The following ELAVL2 variants were observed in gnomAD, a reference collection of about 807,000 sequenced individuals.
ELAVL2 encodes the protein ELAV like RNA binding protein 2, also known as ELAV-like protein 2.
Under a neutral mutation model 34.6 loss-of-function variants are expected in ELAVL2, and 4 were observed. The ratio of observed to expected loss-of-function variants is 0.12; its 90% CI spans 0.06 to 0.26. The LOEUF is 0.26. ELAVL2 is among the 10% of genes least tolerant of loss of function. The pLI, the probability that ELAVL2 is intolerant of heterozygous loss-of-function variation, is 1.00. For synonymous variants in ELAVL2, 193 were observed against 154.8 expected, an observed-to-expected ratio of 1.25 and a Z score of -1.83; for missense variants, 432 against 442.8, an observed-to-expected ratio of 0.98 and a Z score of 0.22.
In ELAVL2 at chr9:23,765,519, TG is replaced by T. The variant is rs145909154; in HGVS notation, c.-15-3271del. On this transcript the variant is annotated intron_variant, in intron 1 of 6. Transcript: ENST00000397312. ...TCATGCAATTCCTAAGTGATTGGTT[TG>T]CATAAAAGCACTCTTTCCCCAAAAT... 2.6e-3 allele frequency among the ~76,000 whole-genome samples: 392 copies of T among 151,954 alleles called. 1 individual carries two copies. The highest frequency in any genetic ancestry group is 9.2e-3 in the African/African-American group (382 of 41,464).
intron 1 of ELAVL2, among the ~76,000 whole-genome samples, chr9:23,784,872 C>T (rs916894942): frequency 1.3e-5 from 2 of 152,180 alleles, no homozygotes; most frequent in Non-Finnish European, 2.9e-5. Flanking sequence ...AATAAGTAGA[C>T]TTGGGCCTAA....
rs12349913 is a variant in ELAVL2, at chr9:23,816,272, A to C, written c.-16+9534T>G. Among the ~76,000 whole-genome samples, 1,193 of 148,416 alleles carry C rather than the reference A, an allele frequency of 8.0e-3. 16 individuals are homozygous for C. The highest frequency in any genetic ancestry group is 0.027 in the African/African-American group (1,079 of 39,932). On this transcript the variant is annotated intron_variant, in intron 1 of 6. Coordinates refer to ENST00000397312, the MANE Select transcript of ELAVL2 (RefSeq NM_004432.5). ...AACAACTATCATTCCCTAGTCCCAT[A>C]AAGAGATGAAATTAGTCAAGAAAGT...
At chr9:23,828,267 G>A (rs138554548), upstream of ELAVL2, among the ~76,000 whole-genome samples, 7 of 152,244 alleles carry the variant, frequency 4.6e-5, no homozygotes, top group African/African-American at 1.7e-4. Context: ...CCTAGGCAGT[G>A]AATTGTCTTT....
intron 4 of ELAVL2, among the ~76,000 whole-genome samples, chr9:23,702,574 T>TG (rs1240942172): frequency 1.3e-5 from 2 of 151,132 alleles, no homozygotes; most frequent in East Asian, 3.9e-4. Context: ...CCATCATACT[T>TG]GGAGGAGCTT....
At chr9:23,831,966 T>C in the ELAVL2 span, among the ~76,000 whole-genome samples, 1 of 152,288 alleles carries the variant, frequency 6.6e-6, no homozygotes, top group African/African-American at 2.4e-5. Context: ...ATTTGAAAAG[T>C]ACAGTATGGA....
chr9:23,724,668 T>C (rs1413147383), intron 3 of ELAVL2, among the ~76,000 whole-genome samples: 1 of 152,296 alleles, frequency 6.6e-6, no homozygotes, highest in East Asian at 1.9e-4. Flanking sequence ...GATAGAAGCA[T>C]TTTATTTAAA....
intron 1 of ELAVL2, among the ~76,000 whole-genome samples, chr9:23,812,115 G>A (rs1416024103): frequency 6.6e-6 from 1 of 152,058 alleles, no homozygotes; most frequent in Non-Finnish European, 1.5e-5. Context: ...AGAGTGGGGA[G>A]TGTGTGATTT....
intron 3 of ELAVL2, among the ~76,000 whole-genome samples, chr9:23,707,377 T>C (rs78809011): frequency 6.6e-6 from 1 of 152,308 alleles, no homozygotes; most frequent in Non-Finnish European, 1.5e-5. Flanking sequence ...TATCTAGGAT[T>C]CTATGGCTTT....
At chr9:23,752,132 G>A (rs947983450) in intron 2 of ELAVL2, among the ~76,000 whole-genome samples, 6 of 152,140 alleles carry the variant, frequency 3.9e-5, no homozygotes, top group Non-Finnish European at 5.9e-5. Flanking sequence ...CAACTGTCAC[G>A]TAACTGAATG....
chr9:23,698,709 G>T (rs2036126167), intron 5 of ELAVL2, among the ~76,000 whole-genome samples: 2 of 152,082 alleles, frequency 1.3e-5, no homozygotes, highest in African/African-American at 4.8e-5. Context: ...AACAAAACAA[G>T]CAAGCCCTTA....
chr9:23,782,116 C>A (rs1279699033), intron 1 of ELAVL2, among the ~76,000 whole-genome samples: 1 of 152,118 alleles, frequency 6.6e-6, no homozygotes, highest in African/African-American at 2.4e-5. Context: ...CCACCATGCC[C>A]GACCAAGAAG....
chr9:23,730,333 A>G (rs1398767534), intron 3 of ELAVL2, among the ~76,000 whole-genome samples: 1 of 152,150 alleles, frequency 6.6e-6, no homozygotes, highest in East Asian at 1.9e-4. Flanking sequence ...AAAAAGAAAA[A>G]CAACAGAAAA....
chr9:23,843,255 A>G, the ELAVL2 span, among the ~76,000 whole-genome samples: 1 of 152,156 alleles, frequency 6.6e-6, no homozygotes, highest in Non-Finnish European at 1.5e-5. Context: ...AATAATACTT[A>G]TAACAATGTT....
At chr9:23,699,613 T>A (rs2036445023) in intron 5 of ELAVL2, among the ~76,000 whole-genome samples, 1 of 152,068 alleles carries the variant, frequency 6.6e-6, no homozygotes, top group South Asian at 2.1e-4. Context: ...GGCTTGTTCA[T>A]CCTACGTTTG....
chr9:23,753,726 G>C (rs889999387), intron 2 of ELAVL2, among the ~76,000 whole-genome samples: 1 of 151,986 alleles, frequency 6.6e-6, no homozygotes, highest in Non-Finnish European at 1.5e-5. Context: ...ATTGAGAATG[G>C]TGTCTCTTCT....
chr9:23,692,724 C>T lies in ELAVL2; in HGVS notation c.913G>A (p.Val305Met). ...GTGTTAAAGTCACGGATGACCTTCA[C>T]ATTGGTGACAGCTCCAAAAGGCCCA... Reference protein sequence around the residue: ...MFGPFGAVTNVKVIRDFNTNK... With the variant: ...MFGPFGAVTNMKVIRDFNTNK... The change falls in exon 7 of 7, where the codon GTG (valine) becomes ATG (methionine). Residue 305 changes from valine to methionine, a missense_variant. Physicochemically the swap from Val to Met is conservative, Grantham distance 21. Transcript: ENST00000397312. The T allele has an allele frequency of 6.2e-7, 1 of 1,614,184 alleles. No homozygotes were observed. Among genetic ancestry groups the T allele is most frequent in the Non-Finnish European group, 8.5e-7 (1 of 1,180,012 alleles).
At chr9:23,736,701 C>G (rs2047976463) in intron 2 of ELAVL2, among the ~76,000 whole-genome samples, 1 of 152,180 alleles carries the variant, frequency 6.6e-6, no homozygotes, top group Non-Finnish European at 1.5e-5. Flanking sequence ...CTCTATTATT[C>G]TGGCCCTGAT....
chr9:23,769,286 C>A (rs1269082334), intron 1 of ELAVL2, among the ~76,000 whole-genome samples: 1 of 152,140 alleles, frequency 6.6e-6, no homozygotes, highest in African/African-American at 2.4e-5. Context: ...GGGACAAAAG[C>A]ACTCCAAAAT....
At chr9:23,720,038 G>A (rs570090022) in intron 3 of ELAVL2, among the ~76,000 whole-genome samples, 49 of 151,970 alleles carry the variant, frequency 3.2e-4, no homozygotes, top group Non-Finnish European at 4.4e-4. Flanking sequence ...CATTGTCCAC[G>A]CTGATCTCAA....
Sources: allele counts gnomAD v4.1 joint callset (sites outside exome capture counted in the v4.1 genomes callset), GRCh38; gene constraint gnomAD v4.1.1; transcripts MANE v1.5; gene names NCBI Gene and HGNC (gene_info 2026-07-23, HGNC 2026-07-21).